Variants in SLC9A7 observed in about 807,000 individuals in gnomAD.
The protein encoded by SLC9A7 is solute carrier family 9 member A7.
In SLC9A7, 19 loss-of-function variants were observed where a neutral mutation model predicts 52.6. The ratio of observed to expected loss-of-function variants is 0.36; its 90% CI spans 0.25 to 0.53. The LOEUF is 0.53. Ranked by LOEUF, SLC9A7 falls within the 20% of genes least tolerant of loss-of-function variation. The pLI, the probability that SLC9A7 is intolerant of heterozygous loss-of-function variation, is 0.91. For synonymous variants in SLC9A7, 226 were observed against 252.1 expected, an observed-to-expected ratio of 0.90 and a Z score of 0.98; for missense variants, 455 against 597.9, an observed-to-expected ratio of 0.76 and a Z score of 2.49.
Position 46,682,324 on chromosome X carries a change from T to C in SLC9A7, c.525+12A>G, listed in dbSNP as rs1944222194. ...ATGTCAGGACAAGGATGGCTGAGTG[T>C]CCCCAGCTCACCTTCCGTAGCATAT... On this transcript the variant is annotated intron_variant, in intron 2 of 16. Coordinates refer to ENST00000616978, the MANE Select transcript of SLC9A7 (RefSeq NM_001257291.2). 1 of 1,204,912 alleles carries C rather than the reference T, an allele frequency of 8.3e-7. No individual in the cohort carries two copies. The highest frequency in any genetic ancestry group is 3.0e-5 in the East Asian group (1 of 33,802).
At position 46,725,241 on chromosome X, in the gene SLC9A7, G is replaced by A. The variant is rs951572950; in HGVS notation, c.325+33464C>T. ...TTTCGTATCAGTGGGAACACCTTCC[G>A]GAATTGCAGGTGCAGATGCTGTCTC... On this transcript the variant is annotated intron_variant, in intron 1 of 16. Transcript: ENST00000616978. 3.0e-5 allele frequency: 33 copies of A among 1,093,495 alleles called. 1 individual carries two copies. In the Admixed American group the frequency reaches 5.5e-4, roughly 18 times the overall value. The allele number at this position is 1,093,495 out of a possible 1,213,427, so 90.1% of individuals were successfully genotyped here.
At chrX:46,752,898 A>T (rs1290279720) in intron 1 of SLC9A7, among the ~76,000 whole-genome samples, 1 of 111,940 alleles carries the variant, frequency 8.9e-6, no homozygotes, top group Non-Finnish European at 1.9e-5. Context: ...GTCTAAATAA[A>T]CTATCACTAG....
At chrX:46,694,645 T>C (rs1347485122) in intron 1 of SLC9A7, among the ~76,000 whole-genome samples, 1 of 111,769 alleles carries the variant, frequency 8.9e-6, no homozygotes, top group Non-Finnish European at 1.9e-5. Context: ...GGTGGGAATG[T>C]ATAATTGTGC....
intron 1 of SLC9A7, among the ~76,000 whole-genome samples, chrX:46,699,327 T>G (rs1268164308): frequency 1.8e-5 from 2 of 111,913 alleles, no homozygotes; most frequent in Non-Finnish European, 3.8e-5. Flanking sequence ...ATCGTTGCTG[T>G]GCTGCACAGC....
chrX:46,705,763 G>A (rs1453013157), intron 1 of SLC9A7, among the ~76,000 whole-genome samples: 1 of 111,908 alleles, frequency 8.9e-6, no homozygotes, highest in Non-Finnish European at 1.9e-5. Flanking sequence ...TTGAGCCCAG[G>A]AGTTTGAGGC....
At chrX:46,625,746 G>A (rs1286539114) in intron 14 of SLC9A7, among the ~76,000 whole-genome samples, 3 of 109,031 alleles carry the variant, frequency 2.8e-5, no homozygotes, top group Non-Finnish European at 3.8e-5. Context: ...GACATGGAGG[G>A]CAAAAGAGTC....
intron 1 of SLC9A7, among the ~76,000 whole-genome samples, chrX:46,707,965 C>T (rs1311833053): frequency 1.8e-5 from 2 of 109,432 alleles, no homozygotes; most frequent in Admixed American, 9.8e-5. Flanking sequence ...GTCTCAAACT[C>T]CTGACCTCAA....
chrX:46,693,529 C>A (rs1250969731), intron 1 of SLC9A7, among the ~76,000 whole-genome samples: 2 of 110,364 alleles, frequency 1.8e-5, no homozygotes, highest in African/African-American at 6.6e-5. Flanking sequence ...TGGATATCTA[C>A]ATGCATAAAG....
At chrX:46,654,982 CTTT>C (rs60881484) in intron 7 of SLC9A7, among the ~76,000 whole-genome samples, 7 of 83,621 alleles carry the variant, frequency 8.4e-5, no homozygotes, top group Admixed American at 1.3e-4. Flanking sequence ...TTCTTTCTTT[CTTT>C]TTTTTTTTTT....
intron 2 of SLC9A7, among the ~76,000 whole-genome samples, chrX:46,682,128 C>T (rs1944219310): frequency 1.8e-5 from 2 of 111,750 alleles, no homozygotes; most frequent in Admixed American, 1.9e-4. Context: ...CTAACAGACC[C>T]ACAAAGGTCA....
intron 1 of SLC9A7, among the ~76,000 whole-genome samples, chrX:46,692,806 G>C (rs1011637825): frequency 9.0e-6 from 1 of 110,700 alleles, no homozygotes; most frequent in African/African-American, 3.3e-5. Context: ...ACAGTGAGGG[G>C]GCTCACCATC....
intron 15 of SLC9A7, among the ~76,000 whole-genome samples, chrX:46,614,962 G>A (rs943558713): frequency 1.4e-4 from 16 of 112,655 alleles, no homozygotes; most frequent in Non-Finnish European, 2.6e-4. Flanking sequence ...TAGAGGAGGA[G>A]ATGGAAGGGA....
In SLC9A7 at chrX:46,648,676, G is replaced by A. The variant is rs372342129; in HGVS notation, c.1462+10C>T. 283 of 1,140,953 alleles carry A rather than the reference G, an allele frequency of 2.5e-4. No individual in the cohort carries two copies. The highest frequency in any genetic ancestry group is 3.2e-4 in the Non-Finnish European group (265 of 833,577). The allele number at this position is 1,140,953 out of a possible 1,213,427, so 94.0% of individuals were successfully genotyped here. On this transcript the variant is annotated intron_variant, in intron 11 of 16. Coordinates refer to ENST00000616978, the MANE Select transcript of SLC9A7 (RefSeq NM_001257291.2). ...TAAAACTCATTTTCTTTACACTTAC[G>A]CCTTTTTACCTGAAAACATCATCAT... is the stretch of plus-strand genomic sequence containing the variant.
intron 1 of SLC9A7, among the ~76,000 whole-genome samples, chrX:46,751,921 G>T (rs1333865157): frequency 8.9e-6 from 1 of 112,368 alleles, no homozygotes; most frequent in East Asian, 2.8e-4. Context: ...TTTAATGAGA[G>T]TAACAGACAG....
intron 13 of SLC9A7, among the ~76,000 whole-genome samples, chrX:46,632,718 GAAC>G (rs1013201291): frequency 1.8e-5 from 2 of 111,439 alleles, no homozygotes; most frequent in Non-Finnish European, 3.8e-5. Context: ...TGATGGTCCT[GAAC>G]AACGTCTGCC....
chrX:46,697,337 G>A (rs985420229), intron 1 of SLC9A7, among the ~76,000 whole-genome samples: 1 of 112,018 alleles, frequency 8.9e-6, no homozygotes, highest in Non-Finnish European at 1.9e-5. Flanking sequence ...CAAGTGAAAA[G>A]TATGTGAGGT....
intron 15 of SLC9A7, 133 bp downstream of exon 15, chrX:46,620,844 T>A: frequency 2.1e-6 from 1 of 466,284 alleles, no homozygotes; most frequent in Non-Finnish European, 3.7e-6. Flanking sequence ...ATGCACACGT[T>A]CCATAAGAGG....
At chrX:46,629,893 C>T (rs1447866607) in intron 14 of SLC9A7, among the ~76,000 whole-genome samples, 1 of 111,759 alleles carries the variant, frequency 8.9e-6, no homozygotes, top group Non-Finnish European at 1.9e-5. Context: ...CTCCTGTTTT[C>T]TAAAGTCCTT....
chrX:46,671,329 C>T (rs1944016645), intron 4 of SLC9A7, among the ~76,000 whole-genome samples: 1 of 110,568 alleles, frequency 9.0e-6, no homozygotes, highest in Admixed American at 9.6e-5. Context: ...GGCGCAATCT[C>T]GGCTCACTGC....
Sources: gnomAD v4.1 joint callset for allele counts (sites outside exome capture counted in the v4.1 genomes callset) on GRCh38, gnomAD v4.1.1 for gene constraint, MANE v1.5 for transcripts, NCBI Gene and HGNC (gene_info 2026-07-23, HGNC 2026-07-21) for gene names.